Variants in ATP6V0E1 observed in about 807,000 individuals in gnomAD.
ATP6V0E1 encodes ATPase H+ transporting V0 subunit e1.
In ATP6V0E1, 4 loss-of-function variants were observed where a neutral mutation model predicts 11.6. That is an observed-to-expected ratio of 0.35 (90% CI 0.17 to 0.79). The LOEUF (loss-of-function observed/expected upper bound fraction) is 0.79. ATP6V0E1 is among the 30% of genes least tolerant of loss of function. The probability of loss-of-function intolerance (pLI) is 0.54; values close to 1 mark genes in which losing one functional copy is unlikely to be tolerated. For missense variants in ATP6V0E1, 105 were observed against 100.0 expected, an observed-to-expected ratio of 1.05 and a Z score of -0.21; for synonymous variants, 36 against 34.8, an observed-to-expected ratio of 1.04 and a Z score of -0.13.
chr5:173,031,228 G>C (rs1467299887), intron 3 of ATP6V0E1, among the ~76,000 whole-genome samples: 1 of 151,690 alleles, frequency 6.6e-6, no homozygotes, highest in African/African-American at 2.4e-5. Flanking sequence ...ACAGGCGTGA[G>C]CCACCGTGCC....
chr5:173,021,739 T>TTTGAAA (rs2113609203), intron 3 of ATP6V0E1, among the ~76,000 whole-genome samples: 1 of 152,236 alleles, frequency 6.6e-6, no homozygotes, highest in Admixed American at 6.5e-5. Flanking sequence ...ATCCAAGCCA[T>TTTGAAA]ATCAGTGCCT....
intron 2 of ATP6V0E1, among the ~76,000 whole-genome samples, chr5:172,998,672 T>C (rs1300720526): frequency 6.6e-6 from 1 of 151,926 alleles, no homozygotes; most frequent in Non-Finnish European, 1.5e-5. Flanking sequence ...GAACTGATTT[T>C]AGTACGATGG....
intron 2 of ATP6V0E1, among the ~76,000 whole-genome samples, chr5:173,002,353 G>A (rs1175245171): frequency 6.6e-6 from 1 of 152,186 alleles, no homozygotes; most frequent in African/African-American, 2.4e-5. Flanking sequence ...ATTGGTGAAT[G>A]TCTCTCAAAT....
intron 2 of ATP6V0E1, among the ~76,000 whole-genome samples, chr5:173,010,995 C>G (rs983350909): frequency 6.6e-6 from 1 of 152,066 alleles, no homozygotes; most frequent in Non-Finnish European, 1.5e-5. Flanking sequence ...TATGAAGGCA[C>G]CCATGCATAT....
chr5:173,020,797 C>T (rs1756468188), intron 3 of ATP6V0E1: 1 of 519,474 alleles, frequency 1.9e-6, no homozygotes, highest in Non-Finnish European at 3.8e-6. Context: ...AGAGGAATGT[C>T]TTGTCTTCAT....
At chr5:173,029,364 G>C (rs777679648) in intron 3 of ATP6V0E1, among the ~76,000 whole-genome samples, 57 of 152,086 alleles carry the variant, frequency 3.7e-4, no homozygotes, top group Non-Finnish European at 6.6e-4. Context: ...AGTTTTCCTT[G>C]TCAGGGTCAG....
chr5:172,985,244 CAA>C (rs59381222), intron 1 of ATP6V0E1, among the ~76,000 whole-genome samples: 221 of 89,414 alleles, frequency 2.5e-3, no homozygotes, highest in East Asian at 8.2e-3. Flanking sequence ...GACTCCGTCT[CAA>C]AAAAAAAAAA....
chr5:173,010,638 G>A (rs10053713), intron 2 of ATP6V0E1, among the ~76,000 whole-genome samples: 16,782 of 152,188 alleles, frequency 0.11, 1,090 homozygotes, highest in Middle Eastern at 0.19. Context: ...ATGAGAGGTC[G>A]TTTTAGTGGC....
intron 2 of ATP6V0E1, among the ~76,000 whole-genome samples, chr5:173,014,521 C>T (rs1314094691): frequency 2.0e-5 from 3 of 152,018 alleles, no homozygotes; most frequent in Non-Finnish European, 4.4e-5. Flanking sequence ...ATGTACACTA[C>T]GGAATAGTAT....
chr5:172,996,857 ACTTTT>A (rs1756075185), intron 2 of ATP6V0E1, among the ~76,000 whole-genome samples: 1 of 152,170 alleles, frequency 6.6e-6, no homozygotes, highest in African/African-American at 2.4e-5. Context: ...TTAAAAAATT[ACTTTT>A]CTTTAAACAA....
chr5:173,024,502 A>G lies in ATP6V0E1; in HGVS notation c.*36+4135A>G, dbSNP rs187034208. Among the ~76,000 whole-genome samples the G allele has an allele frequency of 5.1e-3, 774 of 152,148 alleles. 8 individuals are homozygous for G. The highest frequency in any genetic ancestry group is 0.018 in the African/African-American group (736 of 41,526). ...ACTTTCTGGCAACATCAAAATGTCC[A>G]GGCCCCTCTTCTATATTTTCTGTCC... On this transcript the variant is annotated intron_variant, in intron 3 of 3. Coordinates refer to ENST00000519374, the MANE Select transcript of ATP6V0E1 (RefSeq NM_003945.4).
intron 2 of ATP6V0E1, among the ~76,000 whole-genome samples, chr5:173,018,814 A>AT (rs1057239637): frequency 6.6e-6 from 1 of 150,592 alleles, no homozygotes; most frequent in Non-Finnish European, 1.5e-5. Flanking sequence ...ACATTTGCAT[A>AT]TTTTTTTGTT....
chr5:173,033,518 T>G (rs984297223), intron 3 of ATP6V0E1, among the ~76,000 whole-genome samples: 2 of 152,130 alleles, frequency 1.3e-5, no homozygotes, highest in Admixed American at 6.6e-5. Flanking sequence ...TTACCACTCC[T>G]TGGCCTGATG....
intron 3 of ATP6V0E1, among the ~76,000 whole-genome samples, chr5:173,021,530 C>T (rs1581635099): frequency 6.6e-6 from 1 of 152,182 alleles, no homozygotes; most frequent in Non-Finnish European, 1.5e-5. Context: ...TATCTCCCAC[C>T]AGGTCCCTCC....
At position 172,986,452 on chromosome 5, in the gene ATP6V0E1, C is replaced by G. The variant is rs564972431; in HGVS notation, c.104+2488C>G. The stretch of plus-strand genomic sequence containing the variant: ...CCTGGGCAACACAGCGAGACCTTAT[C>G]TCTGAAAAAAATTTTTTTTAATTAG... On this transcript the variant is annotated intron_variant, in intron 1 of 3. Transcript: ENST00000519374. Among the ~76,000 whole-genome samples the G allele has an allele frequency of 4.4e-4, 67 of 152,184 alleles. 1 individual carries two copies. The highest frequency in any genetic ancestry group is 1.6e-3 in the African/African-American group (67 of 41,514).
intron 2 of ATP6V0E1, among the ~76,000 whole-genome samples, chr5:173,010,287 T>C (rs1335258460): frequency 6.6e-6 from 1 of 152,172 alleles, no homozygotes; most frequent in Non-Finnish European, 1.5e-5. Flanking sequence ...AGTAAATAGG[T>C]TGTATTTCAT....
intron 2 of ATP6V0E1, among the ~76,000 whole-genome samples, chr5:173,016,073 G>A (rs542852243): frequency 1.1e-4 from 16 of 152,242 alleles, no homozygotes; most frequent in South Asian, 1.0e-3. Flanking sequence ...TGAGCTCCGC[G>A]AGCTGCTCTA....
At chr5:173,031,820 C>T (rs1756661345) in intron 3 of ATP6V0E1, among the ~76,000 whole-genome samples, 1 of 108,640 alleles carries the variant, frequency 9.2e-6, no homozygotes. Context: ...GAGACTCTGC[C>T]TCAAAAAAAA....
chr5:173,032,840 T>C (rs1490789584), intron 3 of ATP6V0E1, among the ~76,000 whole-genome samples: 1 of 152,196 alleles, frequency 6.6e-6, no homozygotes, highest in African/African-American at 2.4e-5. Flanking sequence ...CTCATGCCTG[T>C]AATCCCAGAA....
Sources: allele counts gnomAD v4.1 joint callset (sites outside exome capture counted in the v4.1 genomes callset), GRCh38; gene constraint gnomAD v4.1.1; transcripts MANE v1.5; gene names NCBI Gene and HGNC (gene_info 2026-07-23, HGNC 2026-07-21).